The following REEP3 variants were observed in gnomAD, a reference collection of about 807,000 sequenced individuals.
REEP3 encodes the protein receptor accessory protein 3.
In REEP3, 20 loss-of-function variants were observed where a neutral mutation model predicts 41.3. The ratio of observed to expected loss-of-function variants is 0.48; its 90% CI spans 0.34 to 0.70. The LOEUF (loss-of-function observed/expected upper bound fraction) is 0.70, where lower values mean the gene tolerates loss of function less well. REEP3 is among the 30% of genes least tolerant of loss of function. The pLI is 0.01. For synonymous variants in REEP3, 104 were observed against 101.8 expected (o/e 1.02, Z -0.13); for missense variants, 271 against 308.8 (o/e 0.88, Z 0.92).
intron 1 of REEP3, among the ~76,000 whole-genome samples, chr10:63,537,061 T>C (rs1955481417): frequency 6.6e-6 from 1 of 152,316 alleles, no homozygotes; most frequent in Admixed American, 6.5e-5. Context: ...GCAAGGATAT[T>C]TATAGGAAAA....
intron 5 of REEP3, among the ~76,000 whole-genome samples, chr10:63,601,541 G>A (rs370149335): frequency 6.6e-6 from 1 of 152,124 alleles, no homozygotes; most frequent in Non-Finnish European, 1.5e-5. Flanking sequence ...AACTGGATGT[G>A]GTGGATGAAA....
At chr10:63,571,705 T>C (rs907216863) in intron 2 of REEP3, among the ~76,000 whole-genome samples, 2 of 152,178 alleles carry the variant, frequency 1.3e-5, no homozygotes. Flanking sequence ...CACAGACATC[T>C]TTAGGGGAGA....
intron 7 of REEP3, among the ~76,000 whole-genome samples, chr10:63,620,486 T>G (rs1012691185): frequency 6.6e-6 from 1 of 152,198 alleles, no homozygotes; most frequent in African/African-American, 2.4e-5. Context: ...TAATAACATA[T>G]TGTCTTTATA....
intron 1 of REEP3, among the ~76,000 whole-genome samples, chr10:63,538,607 G>T (rs1231429083): frequency 6.6e-6 from 1 of 152,082 alleles, no homozygotes; most frequent in Non-Finnish European, 1.5e-5. Flanking sequence ...GGTGGCACGT[G>T]CCTGTAATCC....
At chr10:63,537,442 G>A (rs1486585709) in intron 1 of REEP3, among the ~76,000 whole-genome samples, 5 of 152,160 alleles carry the variant, frequency 3.3e-5, no homozygotes, top group African/African-American at 9.7e-5. Flanking sequence ...GAGGGATCTG[G>A]AACAATGATA....
intron 1 of REEP3, among the ~76,000 whole-genome samples, chr10:63,545,385 T>G (rs975759477): frequency 2.0e-5 from 3 of 152,190 alleles, no homozygotes; most frequent in Non-Finnish European, 2.9e-5. Context: ...TTTTATTTAT[T>G]TATTTTTTTT....
chr10:63,532,024 G>A (rs549463473), intron 1 of REEP3, among the ~76,000 whole-genome samples: 28 of 152,248 alleles, frequency 1.8e-4, no homozygotes, highest in African/African-American at 5.8e-4. Context: ...TTATACTCAC[G>A]TATTCTGCAC....
chr10:63,574,443 A>G (rs971358820), intron 2 of REEP3, among the ~76,000 whole-genome samples: 2 of 152,210 alleles, frequency 1.3e-5, no homozygotes, highest in African/African-American at 4.8e-5. Flanking sequence ...TGGACAAGTT[A>G]TTTAACCTTT....
At chr10:63,609,056 A>G (rs1200244061) in intron 5 of REEP3, among the ~76,000 whole-genome samples, 6 of 152,220 alleles carry the variant, frequency 3.9e-5, no homozygotes, top group Non-Finnish European at 5.9e-5. Context: ...TTTGTATTCA[A>G]GATTCTTTGG....
At chr10:63,525,023 A>G (rs977763288) in intron 1 of REEP3, among the ~76,000 whole-genome samples, 7 of 152,174 alleles carry the variant, frequency 4.6e-5, no homozygotes, top group Non-Finnish European at 1.0e-4. Flanking sequence ...AAAAAAAAAA[A>G]AAGACTGTTG....
At chr10:63,575,859 G>A (rs577766066) in intron 2 of REEP3, among the ~76,000 whole-genome samples, 1 of 152,196 alleles carries the variant, frequency 6.6e-6, no homozygotes, top group Admixed American at 6.5e-5. Flanking sequence ...TCAGCCTCCT[G>A]AGTAGCTGGG....
At chr10:63,616,213 T>C (rs2133434824) in intron 6 of REEP3, among the ~76,000 whole-genome samples, 1 of 152,316 alleles carries the variant, frequency 6.6e-6, no homozygotes, top group South Asian at 2.1e-4. Flanking sequence ...GGATTTAGCT[T>C]AGCCACCACC....
In REEP3 at chr10:63,546,835, G is replaced by A. The variant is rs113028554; in HGVS notation, c.33-19503G>A. 3.1e-3 allele frequency among the ~76,000 whole-genome samples: 471 copies of A among 152,026 alleles called. 1 individual carries two copies. The highest frequency in any genetic ancestry group is 4.9e-3 in the Non-Finnish European group (332 of 68,012). ...TGCAGAATCATAGTCACCTATCTCA[G>A]ACCAAACACAAAAAATAAATTCCAG... On this transcript the variant is annotated intron_variant, in intron 1 of 7. Coordinates refer to ENST00000373758, the MANE Select transcript of REEP3 (RefSeq NM_001001330.3).
intron 1 of REEP3, among the ~76,000 whole-genome samples, chr10:63,535,239 A>G (rs185615273): frequency 3.3e-5 from 5 of 152,316 alleles, no homozygotes; most frequent in African/African-American, 1.2e-4. Context: ...AAATGGGTTC[A>G]AATATATCAA....
chr10:63,556,153 A>G (rs1003598424), intron 1 of REEP3, among the ~76,000 whole-genome samples: 39 of 152,150 alleles, frequency 2.6e-4, no homozygotes, highest in African/African-American at 8.9e-4. Flanking sequence ...TATTTATTTG[A>G]GACAGAGTCG....
intron 2 of REEP3, among the ~76,000 whole-genome samples, chr10:63,592,755 T>C (rs1956076620): frequency 6.6e-6 from 1 of 151,980 alleles, no homozygotes; most frequent in Non-Finnish European, 1.5e-5. Context: ...TAGCCAGGCA[T>C]GGTGGCGTGC....
intron 1 of REEP3, among the ~76,000 whole-genome samples, chr10:63,526,665 G>T (rs1276139657): frequency 6.6e-6 from 1 of 151,876 alleles, no homozygotes; most frequent in East Asian, 1.9e-4. Context: ...TTGAATGCTT[G>T]TCCAGATTTT....
At chr10:63,573,104 C>T (rs757277290) in intron 2 of REEP3, among the ~76,000 whole-genome samples, 1 of 152,244 alleles carries the variant, frequency 6.6e-6, no homozygotes, top group African/African-American at 2.4e-5. Flanking sequence ...CCCCCAACTA[C>T]TACCATTCCC....
At position 63,621,098 on chromosome 10, in the gene REEP3, T is replaced by G. The variant is rs994804178; in HGVS notation, c.*229T>G. On this transcript the variant is annotated 3_prime_UTR_variant, in exon 8 of 8. Coordinates refer to ENST00000373758, the MANE Select transcript of REEP3 (RefSeq NM_001001330.3). The stretch of plus-strand genomic sequence containing the variant: ...TACTAAATATGTATATTAGAAATTA[T>G]AGAAAATCATGTTGTCCGTTTTCAA... The G allele has an allele frequency of 2.7e-6, 1 of 369,928 alleles. No homozygotes were observed. Among genetic ancestry groups the G allele is most frequent in the Non-Finnish European group, 4.9e-6 (1 of 204,264 alleles). 22.9% of individuals were successfully genotyped at this position (369,928 alleles called of 1,614,324 possible).
Sources: allele counts gnomAD v4.1 joint callset (sites outside exome capture counted in the v4.1 genomes callset), GRCh38; gene constraint gnomAD v4.1.1; transcripts MANE v1.5; gene names NCBI Gene and HGNC (gene_info 2026-07-23, HGNC 2026-07-21).